ANKMY1: variants seen among roughly 807,000 people sequenced by gnomAD.
ANKMY1 encodes the protein ankyrin repeat and MYND domain containing 1, also known as ankyrin repeat and MYND domain-containing protein 1.
In ANKMY1, 98 loss-of-function variants were observed where a neutral mutation model predicts 102.0. The ratio of observed to expected loss-of-function variants is 0.96; its 90% CI spans 0.82 to 1.14. The LOEUF (loss-of-function observed/expected upper bound fraction) is 1.14, where lower values mean the gene tolerates loss of function less well. Ranked by LOEUF, ANKMY1 falls within the 50% of genes most tolerant of loss-of-function variation. ANKMY1 has a pLI of 0.00. For synonymous variants in ANKMY1, 582 were observed against 559.9 expected (o/e 1.04, Z -0.56); for missense variants, 1,330 against 1,347.6 (o/e 0.99, Z 0.20).
intron 4 of ANKMY1, among the ~76,000 whole-genome samples, chr2:240,549,648 G>A (rs963732103): frequency 2.0e-5 from 3 of 152,100 alleles, no homozygotes; most frequent in Admixed American, 6.6e-5. Flanking sequence ...AATCTACAAT[G>A]AACTCAAAAC....
intron 9 of ANKMY1, among the ~76,000 whole-genome samples, chr2:240,518,220 C>T (rs2081530214): frequency 1.3e-5 from 2 of 152,178 alleles, no homozygotes; most frequent in East Asian, 3.8e-4. Flanking sequence ...TTTGTCTTAT[C>T]TGAGCTCCTT....
intron 4 of ANKMY1, among the ~76,000 whole-genome samples, chr2:240,530,788 C>A (rs2085170084): frequency 6.6e-6 from 1 of 152,264 alleles, no homozygotes; most frequent in East Asian, 1.9e-4. Flanking sequence ...ATGACGCACA[C>A]CTGTAAGCCC....
At chr2:240,546,394 C>T (rs1221432528) in intron 4 of ANKMY1, among the ~76,000 whole-genome samples, 1 of 152,076 alleles carries the variant, frequency 6.6e-6, no homozygotes, top group African/African-American at 2.4e-5. Flanking sequence ...TGATACCAGC[C>T]GCTGCAAAAT....
Position 240,528,977 on chromosome 2 carries a change from T to C in ANKMY1, c.953+60A>G, listed in dbSNP as rs866159068. 6 of 1,525,226 alleles carry C rather than the reference T, an allele frequency of 3.9e-6. No homozygotes were observed. The East Asian group carries it at 1.1e-4, about 29-fold the overall frequency. The allele number at this position is 1,525,226 out of a possible 1,614,324, so 94.5% of individuals were successfully genotyped here. ...CAGCTGGCCGGGGACCTCAGGAACC[T>C]GCCTAGGGCAGCCTGCACAGTGCAC... On this transcript the variant is annotated intron_variant, in intron 5 of 17. Transcript: ENST00000401804.
chr2:240,514,476 C>G (rs1413472232), intron 9 of ANKMY1, among the ~76,000 whole-genome samples: 1 of 152,162 alleles, frequency 6.6e-6, no homozygotes, highest in Non-Finnish European at 1.5e-5. Flanking sequence ...CCCAGAAGGA[C>G]AGAAGACAGT....
intron 11 of ANKMY1, among the ~76,000 whole-genome samples, chr2:240,510,582 G>C (rs1006377656): frequency 6.6e-6 from 1 of 152,028 alleles, no homozygotes; most frequent in African/African-American, 2.4e-5. Flanking sequence ...CCTCAGATGC[G>C]GCAGACCCTG....
At position 240,506,113 on chromosome 2, in the gene ANKMY1, G is replaced by A. The variant is rs1403523350; in HGVS notation, c.2526+1447C>T. On this transcript the variant is annotated intron_variant, in intron 13 of 17. Coordinates refer to ENST00000401804, the MANE Select transcript of ANKMY1 (RefSeq NM_001282771.3). The surrounding 1 kb of genome is among the most constrained non-coding windows in gnomAD (Gnocchi z 4.9). ...GAGGTGCTGGGGAGCCCCCAACCCT[G>A]GACAAGTCGCTGGGAAGCCCCCTAA... is the stretch of plus-strand genomic sequence containing the variant. 6.6e-6 allele frequency among the ~76,000 whole-genome samples: 1 copy of A among 152,044 alleles called. No individual in the cohort carries two copies. Among genetic ancestry groups the A allele is most frequent in the Non-Finnish European group, 1.5e-5 (1 of 67,980 alleles).
intron 9 of ANKMY1, among the ~76,000 whole-genome samples, chr2:240,517,746 C>T (rs1015564026): frequency 1.8e-4 from 27 of 152,122 alleles, no homozygotes; most frequent in Admixed American, 1.0e-3. Flanking sequence ...GTGGAGGCTG[C>T]AGTGAGCCAT....
At chr2:240,500,710 G>A (rs1283139793) in intron 13 of ANKMY1, 145 bp from the exon 14 acceptor site, 8 of 646,416 alleles carry the variant, frequency 1.2e-5, no homozygotes, top group South Asian at 3.8e-5. Context: ...TGAGACAAAC[G>A]GGGAGAGGGA....
intron 4 of ANKMY1, among the ~76,000 whole-genome samples, chr2:240,538,095 T>C (rs2087351173): frequency 6.6e-6 from 1 of 152,260 alleles, no homozygotes; most frequent in Non-Finnish European, 1.5e-5. Flanking sequence ...TAAGTTTTTC[T>C]TTTAACAATG....
intron 15 of ANKMY1, among the ~76,000 whole-genome samples, chr2:240,492,362 G>A (rs2076749837): frequency 6.6e-6 from 1 of 152,228 alleles, no homozygotes; most frequent in East Asian, 1.9e-4. Context: ...TGCAAATTTA[G>A]TTGCTTTATG....
chr2:240,479,533 C>T lies in ANKMY1; in HGVS notation c.*76G>A. On this transcript the variant is annotated 3_prime_UTR_variant, in exon 18 of 18. Coordinates refer to ENST00000401804, the MANE Select transcript of ANKMY1 (RefSeq NM_001282771.3). ...ATGCCTGCATTAGGCTGGAAGATTC[C>T]CTGAGGTGGCTCAGGCAGGTAAGAA... The T allele has an allele frequency of 1.3e-6, 2 of 1,530,458 alleles. No individual in the cohort carries two copies. The highest frequency in any genetic ancestry group is 1.4e-5 in the African/African-American group (1 of 73,210). The allele number at this position is 1,530,458 out of a possible 1,614,324, so 94.8% of individuals were successfully genotyped here.
downstream of ANKMY1, among the ~76,000 whole-genome samples, chr2:240,476,277 T>C (rs1160385700): frequency 1.3e-5 from 2 of 151,988 alleles, no homozygotes; most frequent in Non-Finnish European, 2.9e-5. Context: ...GCTTGGAAAG[T>C]CGGATATGTA....
intron 4 of ANKMY1, among the ~76,000 whole-genome samples, chr2:240,549,109 A>C (rs1166863463): frequency 6.6e-6 from 1 of 151,816 alleles, no homozygotes; most frequent in Non-Finnish European, 1.5e-5. Flanking sequence ...ACCTGACTTC[A>C]AACTATACTA....
intron 4 of ANKMY1, among the ~76,000 whole-genome samples, chr2:240,535,478 C>G (rs1018390898): frequency 3.9e-5 from 6 of 152,084 alleles, no homozygotes; most frequent in Non-Finnish European, 8.8e-5. Flanking sequence ...GTGATTATCT[C>G]CTGCATCTGG....
chr2:240,505,239 A>T (rs1559271007), intron 13 of ANKMY1, among the ~76,000 whole-genome samples: 1 of 151,928 alleles, frequency 6.6e-6, no homozygotes, highest in Non-Finnish European at 1.5e-5. Context: ...AGGCGGGCGG[A>T]TCACCTGAGG....
At chr2:240,509,566 T>C in intron 11 of ANKMY1, 111 bp from the exon 12 acceptor site, 1 of 754,588 alleles carries the variant, frequency 1.3e-6, no homozygotes, top group Non-Finnish European at 2.1e-6. Context: ...CAACGGCTAC[T>C]TCCTGCCAAC....
At chr2:240,550,299 C>T (rs1394919625) in intron 4 of ANKMY1, among the ~76,000 whole-genome samples, 10 of 142,048 alleles carry the variant, frequency 7.0e-5, no homozygotes, top group East Asian at 2.0e-4. Context: ...CACTCATAGG[C>T]GGGAATTGAA....
chr2:240,471,831 T>C, the ANKMY1 span, among the ~76,000 whole-genome samples: 1,013 of 152,272 alleles, frequency 6.7e-3, 14 homozygotes, highest in Non-Finnish European at 4.9e-3. Flanking sequence ...AATGGGGTCC[T>C]TTGCAGATCC....
Sources: gnomAD v4.1 joint callset for allele counts (sites outside exome capture counted in the v4.1 genomes callset) on GRCh38, gnomAD v4.1.1 for gene constraint, Gnocchi (gnomAD v3.1) non-coding constraint, MANE v1.5 for transcripts, NCBI Gene and HGNC (gene_info 2026-07-23, HGNC 2026-07-21) for gene names.